Variants in ENPP1 observed in about 807,000 individuals in gnomAD.
ENPP1 encodes the protein ectonucleotide pyrophosphatase/phosphodiesterase 1.
ENPP1 carries 73 observed loss-of-function variants against 122.8 expected under a neutral mutation model. The observed-to-expected ratio is 0.59, with a 90% CI of 0.49 to 0.72. The LOEUF (loss-of-function observed/expected upper bound fraction) is 0.72. Among genes scored for constraint, ENPP1 ranks in the 30% least tolerant of loss-of-function variants. The probability of loss-of-function intolerance (pLI) is 0.00; values close to 1 mark genes in which losing one functional copy is unlikely to be tolerated. For missense variants in ENPP1, 978 were observed against 1,128.1 expected (o/e 0.87, Z 1.91); for synonymous variants, 367 against 391.6 (o/e 0.94, Z 0.74).
chr6:131,875,921 C>G, intron 17 of ENPP1, 58 bp downstream of exon 17: 1 of 1,387,590 alleles, frequency 7.2e-7, no homozygotes, highest in Non-Finnish European at 1.0e-6. Context: ...ATAGGATTAT[C>G]AAAAGCAGGT....
chr6:131,845,545 C>T (rs1781799176), intron 1 of ENPP1, among the ~76,000 whole-genome samples: 1 of 151,050 alleles, frequency 6.6e-6, no homozygotes, highest in Non-Finnish European at 1.5e-5. Context: ...CAACCTCCGC[C>T]TCCCGGGTTC....
At chr6:131,851,514 AT>A in intron 4 of ENPP1, 1 of 479,782 alleles carries the variant, frequency 2.1e-6, no homozygotes. Flanking sequence ...GGCCAATAAT[AT>A]TTTATCTATA....
intron 24 of ENPP1, among the ~76,000 whole-genome samples, chr6:131,889,818 G>T (rs1782440081): frequency 6.6e-6 from 1 of 152,170 alleles, no homozygotes; most frequent in Non-Finnish European, 1.5e-5. Flanking sequence ...TAATGGGATT[G>T]CTGGGTCCAG....
chr6:131,890,706 T>TA lies in ENPP1; in HGVS notation c.*196dup. 1.3e-5 allele frequency: 8 copies of TA among 610,862 alleles called. No homozygotes were observed. In the South Asian group the frequency reaches 1.6e-4, roughly 12 times the overall value. 37.8% of individuals were successfully genotyped at this position (610,862 alleles called of 1,614,324 possible). The stretch of plus-strand genomic sequence containing the variant: ...GAGTGTTCCTGTTGAATCTTGCACA[T>TA]ATTTGAATGTGTAAGCATTGTATAC... On this transcript the variant is annotated 3_prime_UTR_variant, in exon 25 of 25. Transcript: ENST00000647893.
chr6:131,849,310 C>G (rs185378840), intron 2 of ENPP1, among the ~76,000 whole-genome samples: 42 of 151,902 alleles, frequency 2.8e-4, no homozygotes, highest in Non-Finnish European at 5.1e-4. Flanking sequence ...AACCTAGTTA[C>G]GTGTGGAATT....
chr6:131,851,002 CA>C lies in ENPP1; in HGVS notation c.431-139del. ...TAGTTCAGAGTGGCCATGGTAGTGG[CA>C]GATTCTGTGAGTGACTAAGAGCTGT... On this transcript the variant is annotated intron_variant, in intron 3 of 24. Transcript: ENST00000647893. 4 of 899,002 alleles carry C rather than the reference CA, an allele frequency of 4.4e-6. No homozygotes were observed. In the Admixed American group the frequency reaches 6.9e-5, roughly 16 times the overall value. The allele number at this position is 899,002 out of a possible 1,614,324, so 55.7% of individuals were successfully genotyped here. A position where few individuals can be genotyped will look rare whatever the true frequency, so the allele number is the denominator to read the frequency against.
In ENPP1 at chr6:131,808,206, G is replaced by C. The variant is rs1298737012; in HGVS notation, c.171G>C (p.Glu57Asp). Residue 57 changes from glutamate (E) to aspartate (D), a missense_variant, in exon 1 of 25, where the codon GAG becomes GAC. By Grantham distance (45) the Glu-to-Asp change is conservative. Around this residue, in one of 3 missense-constraint regions of ENPP1, gnomAD observed 330 missense variants for 328.5 expected, o/e 1.00. Transcript: ENST00000647893. ...TGCTGGCCCCTATGGACGTGGGGGAGGAGCCGCTGGAGAAGGCGGCGCGCG... is the reference window on the plus strand; with the variant it reads ...TGCTGGCCCCTATGGACGTGGGGGACGAGCCGCTGGAGAAGGCGGCGCGCG... Reference protein sequence around the residue: ...ASLLAPMDVGEEPLEKAARAR... With the variant: ...ASLLAPMDVGDEPLEKAARAR... 6 of 1,511,232 alleles carry C rather than the reference G, an allele frequency of 4.0e-6. No homozygotes were observed. Among genetic ancestry groups the C allele is most frequent in the Non-Finnish European group, 5.3e-6 (6 of 1,129,832 alleles). 93.6% of individuals were successfully genotyped at this position (1,511,232 alleles called of 1,614,324 possible).
chr6:131,830,049 A>G (rs1251371581), intron 1 of ENPP1, among the ~76,000 whole-genome samples: 1 of 152,160 alleles, frequency 6.6e-6, no homozygotes, highest in Non-Finnish European at 1.5e-5. Flanking sequence ...GAAACAGACT[A>G]TTAGATGGAA....
At chr6:131,864,997 C>A in intron 11 of ENPP1, 59 bp downstream of exon 11, 2 of 1,061,936 alleles carry the variant, frequency 1.9e-6, no homozygotes, top group Non-Finnish European at 3.0e-6. Context: ...CTGAACCTCG[C>A]TTTGAAGGAG....
rs981823490 is a variant in ENPP1, at chr6:131,849,959, A to G, written c.314-31A>G. 3 of 1,444,034 alleles carry G rather than the reference A, an allele frequency of 2.1e-6. No individual in the cohort carries two copies. In the Admixed American group the frequency reaches 5.0e-5, roughly 24 times the overall value. 89.5% of individuals were successfully genotyped at this position (1,444,034 alleles called of 1,614,324 possible). On this transcript the variant is annotated intron_variant, in intron 2 of 24. Transcript: ENST00000647893. ...TTACTTTGAATTATATAATGATTAGAAACATCTGACTTATCGTTCAATTTT... is the reference window on the plus strand; with the variant it reads ...TTACTTTGAATTATATAATGATTAGGAACATCTGACTTATCGTTCAATTTT...
Position 131,877,079 on chromosome 6 carries a change from A to T in ENPP1, c.1811A>T (p.His604Leu). ...AAGAATCCTGTTTATACGCCAAAGC[A>T]TCCCAAAGAAGTGCACCCCCTGGTA... ...LLKNPVYTPK[H>L]PKEVHPLVQC... Residue 604 changes from histidine (H) to leucine (L), a missense_variant, in exon 18 of 25, where the codon CAT becomes CTT. His to Leu is a moderately conservative substitution (Grantham distance 99). Around this residue, in one of 3 missense-constraint regions of ENPP1, gnomAD observed 644 missense variants for 781.5 expected, o/e 0.82. Transcript: ENST00000647893. The T allele has an allele frequency of 1.2e-6, 2 of 1,614,124 alleles. No individual in the cohort carries two copies. The highest frequency in any genetic ancestry group is 1.7e-6 in the Non-Finnish European group (2 of 1,180,008).
chr6:131,851,319 C>G, intron 4 of ENPP1, 52 bp downstream of exon 4: 1 of 1,612,162 alleles, frequency 6.2e-7, no homozygotes, highest in Non-Finnish European at 8.5e-7. Flanking sequence ...AGCGTCTTAG[C>G]GGGGCTTTAC....
intron 24 of ENPP1, among the ~76,000 whole-genome samples, chr6:131,890,071 G>A (rs1235385490): frequency 6.6e-6 from 1 of 151,986 alleles, no homozygotes; most frequent in Non-Finnish European, 1.5e-5. Flanking sequence ...CCACGCCATT[G>A]AAGTTTCTTA....
intron 1 of ENPP1, among the ~76,000 whole-genome samples, chr6:131,831,114 CAAAAAAA>C (rs3036850): frequency 1.0e-4 from 6 of 60,006 alleles, no homozygotes; most frequent in East Asian, 1.6e-3. Flanking sequence ...GCCCATCTCT[CAAAAAAA>C]AAAAAAAAAA....
chr6:131,856,150 A>G (rs913203822), intron 6 of ENPP1, among the ~76,000 whole-genome samples: 2 of 152,170 alleles, frequency 1.3e-5, no homozygotes, highest in African/African-American at 4.8e-5. Flanking sequence ...TGTTTTGCAT[A>G]AAAAGTCTTT....
intron 1 of ENPP1, among the ~76,000 whole-genome samples, chr6:131,809,744 A>G (rs1345818712): frequency 6.6e-6 from 1 of 152,220 alleles, no homozygotes; most frequent in Non-Finnish European, 1.5e-5. Context: ...ATAAACCTTT[A>G]CAGGTTTTCC....
rs116501064 is a variant in ENPP1, at chr6:131,867,211, G to A, written c.1165-807G>A. On this transcript the variant is annotated intron_variant, in intron 11 of 24. Coordinates refer to ENST00000647893, the MANE Select transcript of ENPP1 (RefSeq NM_006208.3). ...AATGAAAGACGTTGTCTTGTTTCAT[G>A]TTACAGTGAAAGAGCTTATCTCATA... Among the ~76,000 whole-genome samples, 1,004 of 152,280 alleles carry A rather than the reference G, an allele frequency of 6.6e-3. 26 individuals are homozygous for A. Among genetic ancestry groups the A allele is most frequent in the African/African-American group, 0.023 (962 of 41,560 alleles).
chr6:131,822,865 A>G (rs958789971), intron 1 of ENPP1, among the ~76,000 whole-genome samples: 1 of 152,042 alleles, frequency 6.6e-6, no homozygotes, highest in African/African-American at 2.4e-5. Context: ...TCTATTGCTT[A>G]TGTCTCTTTT....
In ENPP1 at chr6:131,886,580, T is replaced by C. The variant is rs774573909; in HGVS notation, c.2463T>C (p.Arg821=). The C allele has an allele frequency of 6.2e-7, 1 of 1,613,382 alleles. No individual in the cohort carries two copies. The highest frequency in any genetic ancestry group is 1.7e-5 in the Admixed American group (1 of 59,992). The change falls in exon 24 of 25, where the codon CGT becomes CGC. Residue 821 remains arginine, a synonymous_variant. Transcript: ENST00000647893. ...TTTACAGAAAAAGAAGAGTCATCCGTAACCAAGAAATTTTGATTCCAACTC... is the reference window on the plus strand; with the variant it reads ...TTTACAGAAAAAGAAGAGTCATCCGCAACCAAGAAATTTTGATTCCAACTC... ...ENLRQKRRVI[R]NQEILIPTHF... is the part of the protein sequence containing the mutation.
Sources: gnomAD v4.1 joint callset for allele counts (sites outside exome capture counted in the v4.1 genomes callset) on GRCh38, gnomAD v4.1.1 for gene constraint, gnomAD v4.1.1 regional missense constraint, MANE v1.5 for transcripts, NCBI Gene and HGNC (gene_info 2026-07-23, HGNC 2026-07-21) for gene names.